Variants in CDH6 observed in about 807,000 individuals in gnomAD.
CDH6 encodes cadherin-6.
A neutral mutation model predicts 78.0 loss-of-function variants in CDH6; 31 were observed. That is an observed-to-expected ratio of 0.40 (90% CI 0.30 to 0.54). The LOEUF (loss-of-function observed/expected upper bound fraction) is 0.54. Ranked by LOEUF, CDH6 falls within the 20% of genes least tolerant of loss-of-function variation. The pLI, the probability that CDH6 is intolerant of heterozygous loss-of-function variation, is 0.56. For missense variants in CDH6, 724 were observed against 975.9 expected (o/e 0.74, Z 3.44); for synonymous variants, 376 against 368.8 (o/e 1.02, Z -0.23).
At chr5:31,304,767 T>C (rs543492518) in intron 6 of CDH6, among the ~76,000 whole-genome samples, 1 of 151,330 alleles carries the variant, frequency 6.6e-6, no homozygotes, top group African/African-American at 2.4e-5. Flanking sequence ...TTGCCCCTGA[T>C]GGCCCCCTCT....
intron 7 of CDH6, among the ~76,000 whole-genome samples, chr5:31,309,628 AG>A (rs1387071948): frequency 6.8e-6 from 1 of 147,710 alleles, no homozygotes; most frequent in African/African-American, 2.5e-5. Flanking sequence ...TCATAAACAT[AG>A]TGTATTAGTC....
Position 31,267,435 on chromosome 5 carries a change from G to A in CDH6, c.-39G>A. On this transcript the variant is annotated 5_prime_UTR_variant, in exon 2 of 12. Coordinates refer to ENST00000265071, the MANE Select transcript of CDH6 (RefSeq NM_004932.4). ...CAGTGAAAAAGGCACTTCCAAGAGTGGGGCACTCACTACGCACAGACTCGA... is the reference window on the plus strand; with the variant it reads ...CAGTGAAAAAGGCACTTCCAAGAGTAGGGCACTCACTACGCACAGACTCGA... 2.7e-6 allele frequency: 4 copies of A among 1,476,684 alleles called. No homozygotes were observed. The highest frequency in any genetic ancestry group is 2.3e-5 in the South Asian group (2 of 88,354). 91.5% of individuals were successfully genotyped at this position (1,476,684 alleles called of 1,614,324 possible).
At chr5:31,290,887 A>G (rs548887600) in intron 2 of CDH6, among the ~76,000 whole-genome samples, 1 of 152,360 alleles carries the variant, frequency 6.6e-6, no homozygotes, top group African/African-American at 2.4e-5. Context: ...TTGATAAATC[A>G]GAATTGTGAT....
chr5:31,237,867 T>C (rs1741494779), intron 1 of CDH6, among the ~76,000 whole-genome samples: 1 of 152,234 alleles, frequency 6.6e-6, no homozygotes, highest in Admixed American at 6.5e-5. Context: ...ATTCAACTTC[T>C]TGCAAACTCT....
chr5:31,205,219 A>T (rs1050229853), intron 1 of CDH6, among the ~76,000 whole-genome samples: 1 of 152,204 alleles, frequency 6.6e-6, no homozygotes, highest in Non-Finnish European at 1.5e-5. Flanking sequence ...TATTTTTACA[A>T]CTGATTTCCT....
rs1740089720 is a variant in CDH6, at chr5:31,194,001, C to CT, written c.-129+115_-129+116insT. The CT allele has an allele frequency of 2.4e-4, 32 of 135,454 alleles. No homozygotes were observed. The Admixed American group carries it at 2.4e-3, about 10-fold the overall frequency. The allele number at this position is 135,454 out of a possible 1,614,324, so 8.4% of individuals were successfully genotyped here. A position where few individuals can be genotyped will look rare whatever the true frequency, so the allele number is the denominator to read the frequency against. ...CCTCTCCGCCCGGTGGGTGCCGCGC[C>CT]GGAGTTGGGAGGGATGCTCTCAGCC... On this transcript the variant is annotated intron_variant, in intron 1 of 11. Coordinates refer to ENST00000265071, the MANE Select transcript of CDH6 (RefSeq NM_004932.4).
At position 31,325,127 on chromosome 5, in the gene CDH6, C is replaced by A. The variant is rs1471818875; in HGVS notation, c.*1819C>A. On this transcript the variant is annotated 3_prime_UTR_variant, in exon 12 of 12. Transcript: ENST00000265071. ...ATTACCCAAGAAGTAAAGATGGAAA[C>A]GTTAAAAGAAGAGAAATGTAGTATT... The A allele has an allele frequency of 1.3e-5, 3 of 225,216 alleles. No individual in the cohort carries two copies. Among genetic ancestry groups the A allele is most frequent in the Non-Finnish European group, 2.6e-5 (3 of 113,272 alleles). 14.0% of individuals were successfully genotyped at this position (225,216 alleles called of 1,614,324 possible). A position where few individuals can be genotyped will look rare whatever the true frequency, so the allele number is the denominator to read the frequency against.
intron 6 of CDH6, among the ~76,000 whole-genome samples, chr5:31,302,964 A>AG (rs1554010076): frequency 9.0e-6 from 1 of 111,682 alleles, no homozygotes; most frequent in Non-Finnish European, 1.9e-5. Context: ...AGAAGGAAAG[A>AG]AAAGAAAGAA....
intron 1 of CDH6, among the ~76,000 whole-genome samples, chr5:31,196,442 G>A (rs1053473291): frequency 6.6e-6 from 1 of 152,162 alleles, no homozygotes; most frequent in Non-Finnish European, 1.5e-5. Flanking sequence ...ATTGAAATGT[G>A]TGGTCCCCCC....
At chr5:31,313,682 G>T (rs534777505) in intron 8 of CDH6, among the ~76,000 whole-genome samples, 2 of 152,226 alleles carry the variant, frequency 1.3e-5, no homozygotes, top group Admixed American at 6.5e-5. Flanking sequence ...AATAAAATGG[G>T]AATGTATCTC....
At chr5:31,255,860 A>G (rs1742040265) in intron 1 of CDH6, among the ~76,000 whole-genome samples, 1 of 152,260 alleles carries the variant, frequency 6.6e-6, no homozygotes, top group Non-Finnish European at 1.5e-5. Context: ...AACATATTGA[A>G]TGAACAAAGC....
Position 31,316,299 on chromosome 5 carries a change from T to C in CDH6, c.1482T>C (p.Thr494=), listed in dbSNP as rs1299269317. The C allele has an allele frequency of 1.5e-5, 25 of 1,613,334 alleles. No homozygotes were observed. The highest frequency in any genetic ancestry group is 3.3e-5 in the Admixed American group (2 of 59,928). Residue 494 remains threonine, a synonymous_variant, in exon 9 of 12, where the codon ACT becomes ACC. Transcript: ENST00000265071. ...CAGAATTTGCTGAGTTCTATGAAAC[T>C]TTTGTCTGTGAAAAAGCAAAGGCAG... ...NAPEFAEFYE[T]FVCEKAKADQ...
At chr5:31,244,210 T>C (rs1741683988) in intron 1 of CDH6, among the ~76,000 whole-genome samples, 1 of 152,220 alleles carries the variant, frequency 6.6e-6, no homozygotes, top group Non-Finnish European at 1.5e-5. Flanking sequence ...TGAAACTTAT[T>C]ATCAAGACAA....
At chr5:31,302,812 G>GA (rs1351166550) in intron 6 of CDH6, among the ~76,000 whole-genome samples, 1 of 118,168 alleles carries the variant, frequency 8.5e-6, no homozygotes, top group Non-Finnish European at 1.8e-5. Context: ...AAGAAAGAAA[G>GA]AAAGAAAGAA....
chr5:31,278,186 G>A (rs1030566163), intron 2 of CDH6, among the ~76,000 whole-genome samples: 8 of 152,094 alleles, frequency 5.3e-5, no homozygotes, highest in African/African-American at 1.9e-4. Flanking sequence ...GCTTAACAAT[G>A]GAAAATCTAA....
intron 1 of CDH6, among the ~76,000 whole-genome samples, chr5:31,253,821 C>T (rs1057266769): frequency 6.6e-6 from 1 of 151,016 alleles, no homozygotes; most frequent in East Asian, 1.9e-4. Flanking sequence ...AGGACTGATA[C>T]AGGGTTTTTT....
intron 1 of CDH6, among the ~76,000 whole-genome samples, chr5:31,242,253 T>C (rs761077105): frequency 7.9e-5 from 12 of 152,182 alleles, no homozygotes; most frequent in Non-Finnish European, 1.5e-4. Context: ...TAATGAGAAC[T>C]ACCATTCTAA....
intron 2 of CDH6, among the ~76,000 whole-genome samples, chr5:31,287,681 G>T (rs894813744): frequency 1.3e-5 from 2 of 152,136 alleles, no homozygotes; most frequent in African/African-American, 4.8e-5. Context: ...ACTAGTTAAG[G>T]CAGTGGCTCT....
intron 1 of CDH6, among the ~76,000 whole-genome samples, chr5:31,265,018 C>T (rs1742303498): frequency 6.6e-6 from 1 of 152,230 alleles, no homozygotes; most frequent in South Asian, 2.1e-4. Context: ...TTCTCTGCAT[C>T]CCTCTTTCCT....
Sources: allele counts gnomAD v4.1 joint callset (sites outside exome capture counted in the v4.1 genomes callset), GRCh38; gene constraint gnomAD v4.1.1; transcripts MANE v1.5; gene names NCBI Gene and HGNC (gene_info 2026-07-23, HGNC 2026-07-21).